Variants in KLF8 observed in about 807,000 individuals in gnomAD.
The protein encoded by KLF8 is KLF transcription factor 8.
Under a neutral mutation model 18.2 loss-of-function variants are expected in KLF8, and 10 were observed. That is an observed-to-expected ratio of 0.55 (90% CI 0.34 to 0.93). The LOEUF (loss-of-function observed/expected upper bound fraction) is 0.93, where lower values mean the gene tolerates loss of function less well. Among genes scored for constraint, KLF8 ranks in the 40% least tolerant of loss-of-function variants. The probability of loss-of-function intolerance (pLI) is 0.02; values close to 1 mark genes in which losing one functional copy is unlikely to be tolerated. For synonymous variants in KLF8, 109 were observed against 97.3 expected (o/e 1.12, Z -0.71); for missense variants, 264 against 277.9 (o/e 0.95, Z 0.36).
chrX:55,995,472 T>C, the KLF8 span, among the ~76,000 whole-genome samples: 1 of 112,348 alleles, frequency 8.9e-6, no homozygotes, highest in Non-Finnish European at 1.9e-5. Context: ...TGCTTTACAG[T>C]CTTATTGGTC....
chrX:56,135,572 G>T, the KLF8 span, among the ~76,000 whole-genome samples: 4 of 110,643 alleles, frequency 3.6e-5, no homozygotes, highest in African/African-American at 1.3e-4. Context: ...ACGGGAGAGG[G>T]ATAGCTTTAG....
At chrX:56,001,919 G>A in the KLF8 span, among the ~76,000 whole-genome samples, 1 of 111,893 alleles carries the variant, frequency 8.9e-6, no homozygotes, top group South Asian at 3.7e-4. Flanking sequence ...TTAACTATCA[G>A]ATCATTTCAC....
chrX:56,048,014 C>T, the KLF8 span, among the ~76,000 whole-genome samples: 5 of 111,988 alleles, frequency 4.5e-5, no homozygotes, highest in Non-Finnish European at 7.5e-5. Flanking sequence ...TCTCTGATGG[C>T]CAGTCATGAT....
At chrX:56,025,490 A>G in the KLF8 span, among the ~76,000 whole-genome samples, 1 of 112,006 alleles carries the variant, frequency 8.9e-6, no homozygotes, top group Non-Finnish European at 1.9e-5. Flanking sequence ...ACACAAGACC[A>G]GTATTGACAC....
chrX:55,966,037 G>C, the KLF8 span, among the ~76,000 whole-genome samples: 2 of 112,281 alleles, frequency 1.8e-5, no homozygotes, highest in Non-Finnish European at 3.8e-5. Flanking sequence ...GGCATGTGGA[G>C]AGACTTGTCT....
the KLF8 span, among the ~76,000 whole-genome samples, chrX:56,064,129 A>G: frequency 2.9e-5 from 3 of 103,831 alleles, no homozygotes; most frequent in Non-Finnish European, 5.7e-5. Context: ...GTGTATATAT[A>G]TGTATATACA....
At chrX:56,186,280 G>A in the KLF8 span, among the ~76,000 whole-genome samples, 2 of 111,169 alleles carry the variant, frequency 1.8e-5, no homozygotes, top group African/African-American at 3.3e-5. Context: ...AGACAAAGAA[G>A]GCCATTACAT....
the KLF8 span, among the ~76,000 whole-genome samples, chrX:56,199,056 G>T: frequency 8.9e-6 from 1 of 111,844 alleles, no homozygotes; most frequent in Non-Finnish European, 1.9e-5. Flanking sequence ...GCTGAAACTA[G>T]ATCCCTTCCT....
the KLF8 span, among the ~76,000 whole-genome samples, chrX:56,152,891 A>C: frequency 8.9e-6 from 1 of 112,204 alleles, no homozygotes; most frequent in Non-Finnish European, 1.9e-5. Flanking sequence ...AAGCCCAGAC[A>C]GCTTAAGTAA....
At chrX:56,077,288 G>A in the KLF8 span, among the ~76,000 whole-genome samples, 1 of 112,125 alleles carries the variant, frequency 8.9e-6, no homozygotes, top group Non-Finnish European at 1.9e-5. Context: ...TAACGTTTAA[G>A]TCTTTAATCC....
intron 2 of KLF8, among the ~76,000 whole-genome samples, chrX:56,251,650 A>G (rs1394152908): frequency 9.1e-6 from 1 of 109,734 alleles, no homozygotes; most frequent in Non-Finnish European, 1.9e-5. Context: ...TTTAGTAGGG[A>G]CAGGGTTTCA....
chrX:56,206,808 C>A, the KLF8 span, among the ~76,000 whole-genome samples: 3 of 112,729 alleles, frequency 2.7e-5, no homozygotes, highest in African/African-American at 6.4e-5. Context: ...CTGTGTGGGG[C>A]CCCAACCCCA....
the KLF8 span, among the ~76,000 whole-genome samples, chrX:56,219,242 G>A: frequency 2.7e-5 from 3 of 111,818 alleles, no homozygotes; most frequent in Non-Finnish European, 5.6e-5. Flanking sequence ...GTAACTTTTG[G>A]GAATTTGAGG....
At chrX:56,069,439 G>A in the KLF8 span, among the ~76,000 whole-genome samples, 11 of 111,363 alleles carry the variant, frequency 9.9e-5, no homozygotes, top group Admixed American at 8.5e-4. Flanking sequence ...ATGTGTATTA[G>A]AGCTTCTGGC....
intron 2 of KLF8, among the ~76,000 whole-genome samples, chrX:56,250,805 A>G (rs1200089698): frequency 2.7e-5 from 3 of 111,642 alleles, no homozygotes; most frequent in Non-Finnish European, 5.6e-5. Context: ...GGCAAGTCCA[A>G]AACCCCATCA....
chrX:55,985,251 G>T, the KLF8 span, among the ~76,000 whole-genome samples: 1 of 111,925 alleles, frequency 8.9e-6, no homozygotes, highest in South Asian at 3.6e-4. Flanking sequence ...GACTTTTATA[G>T]TTTTTGTTTT....
At chrX:56,075,646 C>T in the KLF8 span, among the ~76,000 whole-genome samples, 1 of 111,779 alleles carries the variant, frequency 8.9e-6, no homozygotes, top group African/African-American at 3.3e-5. Context: ...TAACCATCCT[C>T]ACCTTCTTCC....
the KLF8 span, among the ~76,000 whole-genome samples, chrX:56,185,751 A>G: frequency 8.9e-6 from 1 of 112,039 alleles, no homozygotes; most frequent in East Asian, 2.8e-4. Flanking sequence ...TTTTCAACCC[A>G]GAATTTCATA....
At chrX:56,250,418 GA>G in intron 2 of KLF8, 114 bp downstream of exon 2, 1 of 548,564 alleles carries the variant, frequency 1.8e-6, no homozygotes, top group Non-Finnish European at 3.0e-6. Context: ...TGGGGATTGA[GA>G]AGAGGTGAAG....
Sources: allele counts gnomAD v4.1 joint callset (sites outside exome capture counted in the v4.1 genomes callset), GRCh38; gene constraint gnomAD v4.1.1; transcripts MANE v1.5; gene names NCBI Gene and HGNC (gene_info 2026-07-23, HGNC 2026-07-21).